CNTN6: variants seen among roughly 807,000 people sequenced by gnomAD.
CNTN6 encodes the protein contactin-6.
A neutral mutation model predicts 122.8 loss-of-function variants in CNTN6; 137 were observed. That is an observed-to-expected ratio of 1.12 (90% CI 0.97 to 1.29). CNTN6 has a LOEUF of 1.29. Ranked by LOEUF, CNTN6 falls within the 50% of genes most tolerant of loss-of-function variation. The pLI is 0.00. For synonymous variants in CNTN6, 570 were observed against 426.0 expected (o/e 1.34, Z -4.16); for missense variants, 1,634 against 1,223.4 (o/e 1.34, Z -5.01).
intron 1 of CNTN6, among the ~76,000 whole-genome samples, chr3:1,108,527 G>A (rs913507465): frequency 1.6e-4 from 24 of 151,976 alleles, no homozygotes; most frequent in African/African-American, 5.6e-4. Context: ...AGATCTTGAA[G>A]CGTTTCAGAT....
In CNTN6 at chr3:1,297,675, G is replaced by C. The variant is rs536315800; in HGVS notation, c.659-214G>C. On this transcript the variant is annotated intron_variant, in intron 6 of 22. Transcript: ENST00000446702. ...TTTTATTAATCAGATCTGGCTCTCT[G>C]AGTTCCCTGAAAGGTAGATAAATGT... is the stretch of plus-strand genomic sequence containing the variant. 8.8e-5 allele frequency among the ~76,000 whole-genome samples: 13 copies of C among 147,536 alleles called. No individual in the cohort carries two copies. In the East Asian group the frequency reaches 2.6e-3, roughly 29 times the overall value.
chr3:1,225,725 T>C (rs962317278), intron 3 of CNTN6, among the ~76,000 whole-genome samples: 2 of 151,650 alleles, frequency 1.3e-5, no homozygotes, highest in Non-Finnish European at 2.9e-5. Context: ...ACTTTTTTCT[T>C]ACCCTAATAT....
chr3:1,140,963 C>T (rs996513271), intron 1 of CNTN6, among the ~76,000 whole-genome samples: 1 of 152,166 alleles, frequency 6.6e-6, no homozygotes, highest in Admixed American at 6.6e-5. Flanking sequence ...AATTTGATGG[C>T]ACAATTTATC....
At chr3:1,278,149 G>A (rs1204555163) in intron 4 of CNTN6, among the ~76,000 whole-genome samples, 1 of 152,144 alleles carries the variant, frequency 6.6e-6, no homozygotes, top group Non-Finnish European at 1.5e-5. Flanking sequence ...TTCCTGCTAG[G>A]CTACACTGTC....
chr3:1,304,983 C>A (rs1430174079), intron 7 of CNTN6, among the ~76,000 whole-genome samples: 1 of 76,564 alleles, frequency 1.3e-5, no homozygotes, highest in African/African-American at 3.6e-5. Flanking sequence ...GAATGAGACT[C>A]TGTCAAAAAA....
At chr3:1,270,397 T>C (rs1369536231) in intron 4 of CNTN6, among the ~76,000 whole-genome samples, 1 of 152,220 alleles carries the variant, frequency 6.6e-6, no homozygotes, top group Non-Finnish European at 1.5e-5. Context: ...AGTATTTTAA[T>C]ACTGAAAGTT....
intron 2 of CNTN6, among the ~76,000 whole-genome samples, chr3:1,198,580 G>C (rs925600324): frequency 6.6e-6 from 1 of 152,106 alleles, no homozygotes; most frequent in Admixed American, 6.5e-5. Context: ...AAATTAGCCA[G>C]TCATGGGGGT....
chr3:1,329,686 C>G, intron 10 of CNTN6, 99 bp from the exon 11 acceptor site: 6 of 978,226 alleles, frequency 6.1e-6, no homozygotes, highest in Middle Eastern at 2.3e-4. Flanking sequence ...GAGGATACAG[C>G]TATAAATATT....
At chr3:1,321,288 G>A (rs1439662219) in intron 7 of CNTN6, among the ~76,000 whole-genome samples, 2 of 151,606 alleles carry the variant, frequency 1.3e-5, no homozygotes, top group African/African-American at 2.4e-5. Context: ...TACTATCTCT[G>A]CACTCTATTT....
chr3:1,164,156 CCT>C (rs2093195769), intron 2 of CNTN6, among the ~76,000 whole-genome samples: 1 of 152,234 alleles, frequency 6.6e-6, no homozygotes, highest in Non-Finnish European at 1.5e-5. Context: ...GAGAGCTCGT[CCT>C]CTGTTTCCTT....
intron 12 of CNTN6, 91 bp from the exon 13 acceptor site, chr3:1,372,208 C>A: frequency 1.0e-6 from 1 of 996,330 alleles, no homozygotes; most frequent in Non-Finnish European, 1.4e-6. Context: ...TATATAATTT[C>A]AAATGAATGA....
At chr3:1,256,896 C>T (rs1034311131) in intron 4 of CNTN6, among the ~76,000 whole-genome samples, 1 of 152,012 alleles carries the variant, frequency 6.6e-6, no homozygotes, top group African/African-American at 2.4e-5. Context: ...ACAGTAGATA[C>T]TGGGAAGTTG....
chr3:1,118,868 A>AAC (rs2091835216), intron 1 of CNTN6, among the ~76,000 whole-genome samples: 1 of 151,874 alleles, frequency 6.6e-6, no homozygotes, highest in South Asian at 2.1e-4. Flanking sequence ...AAAAAAAAAA[A>AAC]AAACAAACAA....
At chr3:1,403,059 A>G (rs539273665) in intron 22 of CNTN6, among the ~76,000 whole-genome samples, 1 of 152,264 alleles carries the variant, frequency 6.6e-6, no homozygotes, top group South Asian at 2.1e-4. Flanking sequence ...AGTCATTAGC[A>G]TCCAATGTTG....
intron 1 of CNTN6, among the ~76,000 whole-genome samples, chr3:1,116,265 G>T (rs1027429906): frequency 6.6e-6 from 1 of 152,064 alleles, no homozygotes; most frequent in Non-Finnish European, 1.5e-5. Context: ...TTGTAGTAGT[G>T]TAGGAAAGGG....
At chr3:1,103,999 A>G (rs912871906) in intron 1 of CNTN6, among the ~76,000 whole-genome samples, 19 of 152,218 alleles carry the variant, frequency 1.2e-4, no homozygotes, top group African/African-American at 4.3e-4. Context: ...ATTCAACAAT[A>G]TATATTAGTA....
At chr3:1,223,840 T>C (rs950686058) in intron 3 of CNTN6, among the ~76,000 whole-genome samples, 2 of 152,158 alleles carry the variant, frequency 1.3e-5, no homozygotes, top group African/African-American at 2.4e-5. Context: ...AAAACTATAA[T>C]AGTAGTGACT....
chr3:1,253,671 A>C (rs1364305840), intron 4 of CNTN6, among the ~76,000 whole-genome samples: 1 of 152,106 alleles, frequency 6.6e-6, no homozygotes, highest in Non-Finnish European at 1.5e-5. Context: ...CACAACCTAG[A>C]TCCCTCGTAT....
chr3:1,349,379 A>T (rs1228574071), intron 11 of CNTN6, among the ~76,000 whole-genome samples: 3 of 151,500 alleles, frequency 2.0e-5, no homozygotes, highest in Admixed American at 1.3e-4. Context: ...AAGCTTATCT[A>T]TTCTTCTGGC....
Sources: gnomAD v4.1 joint callset for allele counts (sites outside exome capture counted in the v4.1 genomes callset) on GRCh38, gnomAD v4.1.1 for gene constraint, MANE v1.5 for transcripts, NCBI Gene and HGNC (gene_info 2026-07-23, HGNC 2026-07-21) for gene names.